TCHHL1: variants seen among roughly 807,000 people sequenced by gnomAD.
TCHHL1 encodes the protein trichohyalin-like protein 1.
A neutral mutation model predicts 3.5 loss-of-function variants in TCHHL1; 1 was observed. The ratio of observed to expected loss-of-function variants is 0.29; its 90% CI spans 0.10 to 1.36. TCHHL1 has a LOEUF of 1.36. Among genes scored for constraint, TCHHL1 ranks in the 40% most tolerant of loss-of-function variants. The pLI is 0.43. For synonymous variants in TCHHL1, 405 were observed against 375.3 expected (o/e 1.08, Z -0.92); for missense variants, 1,027 against 1,032.8 (o/e 0.99, Z 0.08).
chr1:152,087,924 G>T, intron 2 of TCHHL1, 82 bp downstream of exon 2: 10 of 1,472,488 alleles, frequency 6.8e-6, no homozygotes, highest in Non-Finnish European at 9.1e-6. Context: ...AAAATGGATG[G>T]GGATCACATA....
In TCHHL1 at chr1:152,085,932, C is replaced by A. The variant is rs761856474; in HGVS notation, c.1750G>T (p.Val584Leu). Residue 584 changes from valine to leucine, a missense_variant, in exon 3 of 3, where the codon GTG (valine) becomes TTG (leucine). Val to Leu is a conservative substitution (Grantham distance 32). Coordinates refer to ENST00000368806, the MANE Select transcript of TCHHL1 (RefSeq NM_001008536.2). ...QSQGDQHGES[V>L]QGGHNNNPDT... The stretch of plus-strand genomic sequence containing the variant: ...GGGTTATTATTGTGACCTCCTTGCA[C>A]AGACTCTCCATGTTGGTCCCCTTGA... 6 of 1,614,226 alleles carry A rather than the reference C, an allele frequency of 3.7e-6. No individual in the cohort carries two copies. The South Asian group carries it at 5.5e-5, about 15-fold the overall frequency.
Position 152,087,080 on chromosome 1 carries a change from T to C in TCHHL1, c.602A>G (p.Asp201Gly). 2.5e-6 allele frequency: 4 copies of C among 1,614,194 alleles called. No homozygotes were observed. The highest frequency in any genetic ancestry group is 3.4e-6 in the Non-Finnish European group (4 of 1,180,018). ...EVAQDIQTTE[D>G]NEGQLKTNKP... is the part of the protein sequence containing the mutation. ...ATTTGTCTTAAGTTGGCCTTCATTG[T>C]CTTCTGTTGTTTGTATATCTTGAGC... Residue 201 changes from aspartate to glycine, a missense_variant, in exon 3 of 3, where the codon GAC (aspartate) becomes GGC (glycine). Asp to Gly is a moderately conservative substitution (Grantham distance 94, BLOSUM62 -1). Coordinates refer to ENST00000368806, the MANE Select transcript of TCHHL1 (RefSeq NM_001008536.2).
At position 152,086,415 on chromosome 1, in the gene TCHHL1, C is replaced by T. The variant is rs758527812; in HGVS notation, c.1267G>A (p.Asp423Asn). The T allele has an allele frequency of 6.2e-7, 1 of 1,613,996 alleles. No individual in the cohort carries two copies. The highest frequency in any genetic ancestry group is 1.7e-5 in the Admixed American group (1 of 59,996). The change falls in exon 3 of 3, where the codon GAT (aspartate) becomes AAT (asparagine). Residue 423 changes from aspartate to asparagine, a missense_variant. Asp to Asn is a conservative substitution (Grantham distance 23). Around this residue, in one of 3 missense-constraint regions of TCHHL1, gnomAD observed 673 missense variants for 658.6 expected, o/e 1.02. Coordinates refer to ENST00000368806, the MANE Select transcript of TCHHL1 (RefSeq NM_001008536.2). ...RPLVLETQTQDGKYQELQGLS... is the reference protein window; with the variant it reads ...RPLVLETQTQNGKYQELQGLS... ...CCTTGGAGTTCCTGATACTTCCCAT[C>T]CTGTGTTTGGGTTTCCAGGACTAGT...
At position 152,086,365 on chromosome 1, in the gene TCHHL1, T is replaced by A. The variant is rs1444098749; in HGVS notation, c.1317A>T (p.Glu439Asp). Residue 439 changes from glutamate (E) to aspartate (D), a missense_variant, in exon 3 of 3, where the codon GAA becomes GAT. Transcript: ENST00000368806. ...TTAGATATTGTGTCTCAGAACCTTT[T>A]TCAGCATCTTTTGATTTTGATAATC... Reference protein sequence around the residue: ...LQGLSKSKDAEKGSETQYLSS... With the variant: ...LQGLSKSKDADKGSETQYLSS... The A allele has an allele frequency of 6.2e-7, 1 of 1,614,096 alleles. No homozygotes were observed. Among genetic ancestry groups the A allele is most frequent in the Non-Finnish European group, 8.5e-7 (1 of 1,180,044 alleles).
Position 152,086,899 on chromosome 1 carries a change from T to C in TCHHL1, c.783A>G (p.Gln261=), listed in dbSNP as rs748971266. Residue 261 remains glutamine, a synonymous_variant, in exon 3 of 3, where the codon CAA becomes CAG. Coordinates refer to ENST00000368806, the MANE Select transcript of TCHHL1 (RefSeq NM_001008536.2). The part of the protein sequence containing the change: ...FGEQEGNLAT[Q]SSPPKEATQR... Reference sequence around the variant, plus strand: ...GTGTTGCTTCTTTTGGTGGTGAACTTTGGGTTGCCAAGTTTCCTTCCTGTT... The same window carrying C: ...GTGTTGCTTCTTTTGGTGGTGAACTCTGGGTTGCCAAGTTTCCTTCCTGTT... 5.6e-6 allele frequency: 9 copies of C among 1,614,082 alleles called. No individual in the cohort carries two copies. In the Admixed American group the frequency reaches 1.2e-4, roughly 21 times the overall value.
Position 152,087,451 on chromosome 1 carries a change from G to A in TCHHL1, c.231C>T (p.Ile77=), listed in dbSNP as rs573200644. ...IISFDEFVLA[I]FNLLNLCYLD... ...GATAACAGAGGTTCAACAAGTTGAA[G>A]ATTGCAAGAACAAATTCATCAAAAC... Residue 77 remains isoleucine, a synonymous_variant, in exon 3 of 3, where the codon ATC becomes ATT. Coordinates refer to ENST00000368806, the MANE Select transcript of TCHHL1 (RefSeq NM_001008536.2). 2.5e-6 allele frequency: 4 copies of A among 1,607,722 alleles called. No homozygotes were observed. The East Asian group carries it at 8.9e-5, about 36-fold the overall frequency.
At position 152,088,052 on chromosome 1, in the gene TCHHL1, C is replaced by T. The variant is rs751778353; in HGVS notation, c.92G>A (p.Arg31Lys). Reference protein sequence around the residue: ...EDSNGATLTGRELKQLIQGEF... With the variant: ...EDSNGATLTGKELKQLIQGEF... ...GCCCTGGATGAGTTGTTTCAGCTCTCTGCCAGTCAGTGTTGCCCCGTTACT... is the reference window on the plus strand; with the variant it reads ...GCCCTGGATGAGTTGTTTCAGCTCTTTGCCAGTCAGTGTTGCCCCGTTACT... Residue 31 changes from arginine (R) to lysine (K), a missense_variant, in exon 2 of 3, where the codon AGA becomes AAA. Physicochemically the swap from Arg to Lys is conservative, Grantham distance 26. This residue lies in a region of TCHHL1 where 338 missense variants were observed against 335.9 expected (regional missense o/e 1.01). Transcript: ENST00000368806. The T allele has an allele frequency of 1.9e-6, 3 of 1,611,366 alleles. No individual in the cohort carries two copies. The highest frequency in any genetic ancestry group is 1.1e-5 in the South Asian group (1 of 90,646).
At position 152,084,272 on chromosome 1, in the gene TCHHL1, G is replaced by A. The variant is rs1484747840; in HGVS notation, c.*695C>T. The A allele has an allele frequency of 6.0e-6, 1 of 168,050 alleles. No individual in the cohort carries two copies. The highest frequency in any genetic ancestry group is 1.5e-5 in the Non-Finnish European group (1 of 68,136). The allele number at this position is 168,050 out of a possible 1,614,324, so 10.4% of individuals were successfully genotyped here. On this transcript the variant is annotated 3_prime_UTR_variant, in exon 3 of 3. Coordinates refer to ENST00000368806, the MANE Select transcript of TCHHL1 (RefSeq NM_001008536.2). ...ATAAAATCAAACATACTTTAGATTT[G>A]TGTTTTCTCTCATAATTATTCTTGA... is the stretch of plus-strand genomic sequence containing the variant.
At position 152,086,399 on chromosome 1, in the gene TCHHL1, T is replaced by C. The variant is rs754288177; in HGVS notation, c.1283A>G (p.Glu428Gly). Residue 428 changes from glutamate to glycine, a missense_variant, in exon 3 of 3, where the codon GAA becomes GGA. Glu to Gly is a moderately conservative substitution (Grantham distance 98, BLOSUM62 -2). Transcript: ENST00000368806. ...ETQTQDGKYQ[E>G]LQGLSKSKDA... ...TTTTGATTTTGATAATCCTTGGAGT[T>C]CCTGATACTTCCCATCCTGTGTTTG... 6.2e-7 allele frequency: 1 copy of C among 1,614,080 alleles called. No individual in the cohort carries two copies. The highest frequency in any genetic ancestry group is 1.3e-5 in the African/African-American group (1 of 74,930).
chr1:152,088,386 C>T (rs1053132420), intron 1 of TCHHL1, among the ~76,000 whole-genome samples: 2 of 152,182 alleles, frequency 1.3e-5, no homozygotes, highest in Admixed American at 1.3e-4. Flanking sequence ...CAATTCACCC[C>T]ACTCTTCAGT....
At position 152,085,669 on chromosome 1, in the gene TCHHL1, C is replaced by G; in HGVS notation, c.2013G>C (p.Glu671Asp). The G allele has an allele frequency of 6.2e-7, 1 of 1,614,176 alleles. No homozygotes were observed. The highest frequency in any genetic ancestry group is 1.1e-5 in the South Asian group (1 of 91,078). ...AGTCTTCATCCAGGGCACCTGTGAT[C>G]TCTATTTCCAGGGACTTTCTATTTT... ...GDENRKSLEI[E>D]ITGALDEDFT... Residue 671 changes from glutamate to aspartate, a missense_variant, in exon 3 of 3, where the codon GAG becomes GAC. Transcript: ENST00000368806.
Position 152,086,654 on chromosome 1 carries a change from G to A in TCHHL1, c.1028C>T (p.Thr343Ile). The change falls in exon 3 of 3, where the codon ACA becomes ATA. Residue 343 changes from threonine to isoleucine, a missense_variant. Physicochemically the swap from Thr to Ile is moderately conservative, Grantham distance 89. This residue lies in a region of TCHHL1 where 673 missense variants were observed against 658.6 expected (regional missense o/e 1.02). Transcript: ENST00000368806. The stretch of plus-strand genomic sequence containing the variant: ...ACCCAAATTCTTTGTTTTAGCTGGT[G>A]TCTGGTCAGCATCCTTTCCTGGTTC... ...TQEPGKDADQ[T>I]PAKTKNLGEP... 6.2e-7 allele frequency: 1 copy of A among 1,614,174 alleles called. No individual in the cohort carries two copies. The highest frequency in any genetic ancestry group is 2.2e-5 in the East Asian group (1 of 44,878).
In TCHHL1 at chr1:152,085,377, G is replaced by A. The variant is rs1177103665; in HGVS notation, c.2305C>T (p.His769Tyr). The A allele has an allele frequency of 6.2e-7, 1 of 1,614,172 alleles. No individual in the cohort carries two copies. The highest frequency in any genetic ancestry group is 1.1e-5 in the South Asian group (1 of 91,072). ...GDQKSPAKKEHNSSVPWSSLE... is the reference protein window; with the variant it reads ...GDQKSPAKKEYNSSVPWSSLE... The stretch of plus-strand genomic sequence containing the variant: ...CTTGACCAGGGGACTGAAGAATTGT[G>A]CTCTTTCTTGGCTGGACTTTTTTGG... The change falls in exon 3 of 3, where the codon CAC (histidine) becomes TAC (tyrosine). Residue 769 changes from histidine (H) to tyrosine (Y), a missense_variant. His to Tyr is a moderately conservative substitution (Grantham distance 83, BLOSUM62 2). Around this residue, in one of 3 missense-constraint regions of TCHHL1, gnomAD observed 673 missense variants for 658.6 expected, o/e 1.02. Transcript: ENST00000368806.
chr1:152,085,768 T>C lies in TCHHL1; in HGVS notation c.1914A>G (p.Pro638=). The C allele has an allele frequency of 6.2e-7, 1 of 1,614,182 alleles. No individual in the cohort carries two copies. The highest frequency in any genetic ancestry group is 1.3e-5 in the African/African-American group (1 of 75,028). The change falls in exon 3 of 3, where the codon CCA becomes CCG. Residue 638 remains proline (P), a synonymous_variant. Transcript: ENST00000368806. ...CAGCTGCACCTGGGCCTTTGGTCCC[T>C]GGGCCTTGATTCTTGTGTTCTCCTC... The part of the protein sequence containing the change: ...PARGEHKNQG[P]GTKGPGAAVE...
In TCHHL1 at chr1:152,085,186, T is replaced by C; in HGVS notation, c.2496A>G (p.Pro832=). The change falls in exon 3 of 3, where the codon CCA becomes CCG. Residue 832 remains proline (P), a synonymous_variant. Coordinates refer to ENST00000368806, the MANE Select transcript of TCHHL1 (RefSeq NM_001008536.2). ...KQVQIAQASG[P]ELCSVSLTSE... The stretch of plus-strand genomic sequence containing the variant: ...TGGTGAGGGATACACTGCAAAGCTC[T>C]GGGCCTGATGCCTGGGCTATCTGAA... 5.6e-6 allele frequency: 9 copies of C among 1,614,226 alleles called. No individual in the cohort carries two copies. The highest frequency in any genetic ancestry group is 7.6e-6 in the Non-Finnish European group (9 of 1,180,044).
chr1:152,084,913 G>A lies in TCHHL1; in HGVS notation c.*54C>T, dbSNP rs575042236. 6.6e-6 allele frequency: 10 copies of A among 1,523,590 alleles called. No individual in the cohort carries two copies. In the South Asian group the frequency reaches 1.1e-4, roughly 17 times the overall value. 94.4% of individuals were successfully genotyped at this position (1,523,590 alleles called of 1,614,324 possible). ...AATCTGCATCTGAATGTGTACACGT[G>A]AGTATTGAGGGTGATTGGGAGAGAA... On this transcript the variant is annotated 3_prime_UTR_variant, in exon 3 of 3. Transcript: ENST00000368806.
chr1:152,087,847 G>A lies in TCHHL1; in HGVS notation c.138+159C>T, dbSNP rs78503127. Among the ~76,000 whole-genome samples the A allele has an allele frequency of 1.8e-3, 269 of 152,350 alleles. 11 individuals carry two copies. In the East Asian group the frequency reaches 0.039, roughly 22 times the overall value. ...CTTTTTCTCTAAGTAATTGCACAGA[G>A]TATGGAACTGAGACTGAAAATAGTT... On this transcript the variant is annotated intron_variant, in intron 2 of 2. Coordinates refer to ENST00000368806, the MANE Select transcript of TCHHL1 (RefSeq NM_001008536.2).
chr1:152,086,062 T>G lies in TCHHL1; in HGVS notation c.1620A>C (p.Thr540=), dbSNP rs1245873483. ...TTTCAGAAGACCCCTCATCACTCTG[T>G]GTGAATGGTGACTCAGGGTCCTCCC... is the stretch of plus-strand genomic sequence containing the variant. ...YQGEDPESPF[T]QSDEGSSETP... Residue 540 remains threonine (T), a synonymous_variant, in exon 3 of 3, where the codon ACA becomes ACC. Coordinates refer to ENST00000368806, the MANE Select transcript of TCHHL1 (RefSeq NM_001008536.2). The G allele has an allele frequency of 6.2e-7, 1 of 1,614,202 alleles. No homozygotes were observed. The highest frequency in any genetic ancestry group is 1.3e-5 in the African/African-American group (1 of 75,038).
At position 152,085,101 on chromosome 1, in the gene TCHHL1, T is replaced by G; in HGVS notation, c.2581A>C (p.Arg861=). 1 of 1,614,030 alleles carries G rather than the reference T, an allele frequency of 6.2e-7. No individual in the cohort carries two copies. Among genetic ancestry groups the G allele is most frequent in the Non-Finnish European group, 8.5e-7 (1 of 1,180,026 alleles). The change falls in exon 3 of 3, where the codon AGG becomes CGG. Residue 861 remains arginine (R), a synonymous_variant. Transcript: ENST00000368806. ...GGACTCTCATCAAGTGGAAGTCCCC[T>G]GGTATATGGTTGTGATGCTTGGCTG... is the stretch of plus-strand genomic sequence containing the variant. ...NYSQASQPYT[R]GLPLDESPAG...
Sources: allele counts gnomAD v4.1 joint callset (sites outside exome capture counted in the v4.1 genomes callset), GRCh38; gene constraint gnomAD v4.1.1; regional missense constraint gnomAD v4.1.1; transcripts MANE v1.5; gene names NCBI Gene and HGNC (gene_info 2026-07-23, HGNC 2026-07-21).